The following ZBBX variants were observed in gnomAD, a reference collection of about 807,000 sequenced individuals.
ZBBX encodes the protein zinc finger B-box domain containing, also known as zinc finger B-box domain-containing protein 1.
ZBBX carries 101 observed loss-of-function variants against 108.5 expected under a neutral mutation model. The ratio of observed to expected loss-of-function variants is 0.93; its 90% confidence interval spans 0.79 to 1.10. ZBBX has a LOEUF of 1.10. Ranked by LOEUF, ZBBX falls within the 50% of genes least tolerant of loss-of-function variation. The pLI, the probability that ZBBX is intolerant of heterozygous loss-of-function variation, is 0.00. For synonymous variants in ZBBX, 356 were observed against 323.4 expected (o/e 1.10, Z -1.08); for missense variants, 1,009 against 941.4 (o/e 1.07, Z -0.94).
At chr3:167,301,437 A>G (rs1203918567) in intron 17 of ZBBX, among the ~76,000 whole-genome samples, 1 of 152,246 alleles carries the variant, frequency 6.6e-6, no homozygotes, top group Non-Finnish European at 1.5e-5. Context: ...ATTGAAGAGA[A>G]CGGCAGGAAA....
the ZBBX span, among the ~76,000 whole-genome samples, chr3:167,208,990 C>A: frequency 6.6e-6 from 1 of 152,030 alleles, no homozygotes; most frequent in Non-Finnish European, 1.5e-5. Context: ...GGCTGAAGAG[C>A]GCTTGGGTCT....
intron 9 of ZBBX, among the ~76,000 whole-genome samples, 154 bp from the exon 10 acceptor site, chr3:167,334,139 G>A (rs1471473763): frequency 6.6e-6 from 1 of 152,114 alleles, no homozygotes; most frequent in Non-Finnish European, 1.5e-5. Flanking sequence ...GTATCAACAA[G>A]TATAATAGTG....
At chr3:167,188,441 A>T in the ZBBX span, among the ~76,000 whole-genome samples, 1 of 152,188 alleles carries the variant, frequency 6.6e-6, no homozygotes, top group East Asian at 1.9e-4. Flanking sequence ...ACGCTTTAAG[A>T]GGGGCACTAA....
intron 9 of ZBBX, among the ~76,000 whole-genome samples, chr3:167,345,454 A>G (rs754556417): frequency 6.6e-6 from 1 of 151,916 alleles, no homozygotes; most frequent in Non-Finnish European, 1.5e-5. Context: ...CATTTAAAAT[A>G]TTTTATTTTT....
the ZBBX span, among the ~76,000 whole-genome samples, chr3:167,225,551 A>G: frequency 6.6e-6 from 1 of 151,824 alleles, no homozygotes; most frequent in South Asian, 2.1e-4. Flanking sequence ...TATGTGCTAA[A>G]TAGATAGAAG....
the ZBBX span, among the ~76,000 whole-genome samples, chr3:167,221,030 A>T: frequency 6.6e-6 from 1 of 151,970 alleles, no homozygotes; most frequent in African/African-American, 2.4e-5. Context: ...CCACAATGAA[A>T]ACTATAAAAT....
intron 16 of ZBBX, among the ~76,000 whole-genome samples, chr3:167,310,820 T>A (rs1734450437): frequency 2.0e-5 from 3 of 152,290 alleles, no homozygotes; most frequent in Admixed American, 2.0e-4. Context: ...TATGAGGAAT[T>A]CTACAAATTC....
At chr3:167,348,354 A>AAG (rs377084650) in intron 9 of ZBBX, among the ~76,000 whole-genome samples, 4 of 69,596 alleles carry the variant, frequency 5.7e-5, no homozygotes, top group Admixed American at 3.3e-4. Flanking sequence ...GAAAGAAAGA[A>AAG]AGAAAGAAAG....
chr3:167,225,832 G>A, the ZBBX span, among the ~76,000 whole-genome samples: 1 of 151,736 alleles, frequency 6.6e-6, no homozygotes, highest in Non-Finnish European at 1.5e-5. Context: ...AGATTTCATG[G>A]AACAGTGCAG....
the ZBBX span, among the ~76,000 whole-genome samples, chr3:167,226,161 A>G: frequency 6.6e-6 from 1 of 151,780 alleles, no homozygotes; most frequent in Non-Finnish European, 1.5e-5. Flanking sequence ...AACATCGACA[A>G]CAATAATAAA....
At chr3:167,294,228 G>C (rs767241584) in intron 18 of ZBBX, among the ~76,000 whole-genome samples, 1 of 152,000 alleles carries the variant, frequency 6.6e-6, no homozygotes, top group Non-Finnish European at 1.5e-5. Context: ...AAAAGAGCCC[G>C]CATGGCCAAG....
intron 20 of ZBBX, among the ~76,000 whole-genome samples, chr3:167,262,590 T>G (rs1724744175): frequency 6.6e-6 from 1 of 152,192 alleles, no homozygotes; most frequent in African/African-American, 2.4e-5. Flanking sequence ...AGGTACAGTT[T>G]CAGCTCACTG....
chr3:167,333,788 A>G (rs1739073897), intron 10 of ZBBX, 39 bp downstream of exon 10: 2 of 1,491,126 alleles, frequency 1.3e-6, no homozygotes, highest in Non-Finnish European at 1.8e-6. Flanking sequence ...CCATAGTTAC[A>G]TATGTCAGAA....
At chr3:167,375,154 T>C (rs193035846) in intron 2 of ZBBX, among the ~76,000 whole-genome samples, 232 of 152,298 alleles carry the variant, frequency 1.5e-3, no homozygotes, top group South Asian at 3.7e-3. Context: ...AGTTACCTAA[T>C]AAAAGGCTAT....
intron 20 of ZBBX, among the ~76,000 whole-genome samples, chr3:167,243,569 T>G (rs539542166): frequency 1.9e-4 from 29 of 152,202 alleles, no homozygotes; most frequent in African/African-American, 7.0e-4. Context: ...CGGCTAATTT[T>G]GTATTTTTAG....
chr3:167,264,747 C>A (rs1374096934), intron 20 of ZBBX, among the ~76,000 whole-genome samples: 1 of 152,142 alleles, frequency 6.6e-6, no homozygotes, highest in African/African-American at 2.4e-5. Context: ...AGCAGTTTAC[C>A]TGAGGTTCTA....
chr3:167,224,225 T>C, the ZBBX span, among the ~76,000 whole-genome samples: 1 of 151,952 alleles, frequency 6.6e-6, no homozygotes, highest in Non-Finnish European at 1.5e-5. Context: ...AGACTTCTCA[T>C]AAATAAATTG....
chr3:167,378,822 G>A (rs1393472135), intron 2 of ZBBX, among the ~76,000 whole-genome samples: 1 of 152,154 alleles, frequency 6.6e-6, no homozygotes, highest in Non-Finnish European at 1.5e-5. Flanking sequence ...CAATTCGAAG[G>A]CTGCCTGTAT....
chr3:167,205,232 T>C, the ZBBX span, among the ~76,000 whole-genome samples: 4 of 151,900 alleles, frequency 2.6e-5, no homozygotes, highest in Non-Finnish European at 5.9e-5. Context: ...ATAATGATGG[T>C]TGATGGTAAA....
Sources: gnomAD v4.1 joint callset for allele counts (sites outside exome capture counted in the v4.1 genomes callset) on GRCh38, gnomAD v4.1.1 for gene constraint, MANE v1.5 for transcripts, NCBI Gene and HGNC (gene_info 2026-07-23, HGNC 2026-07-21) for gene names.